Variants in PHACTR1 observed in about 807,000 individuals in gnomAD.
PHACTR1 encodes the protein phosphatase and actin regulator 1, also known as RPEL repeat containing 1.
PHACTR1 carries 16 observed loss-of-function variants against 69.2 expected under a neutral mutation model. The ratio of observed to expected loss-of-function variants is 0.23; its 90% CI spans 0.16 to 0.35. PHACTR1 has a LOEUF of 0.35. PHACTR1 is among the 10% of genes least tolerant of loss of function. PHACTR1 has a pLI of 1.00. For missense variants in PHACTR1, 510 were observed against 734.7 expected (o/e 0.69, Z 3.54); for synonymous variants, 312 against 284.5 (o/e 1.10, Z -0.97).
At chr6:12,877,802 C>T in intron 4 of PHACTR1, among the ~76,000 whole-genome samples, 1 of 152,218 alleles carries the variant, frequency 6.6e-6, no homozygotes, top group Non-Finnish European at 1.5e-5. Context: ...TTCTCAACTG[C>T]ACTGTGCGCT....
At chr6:13,115,978 A>G (rs887885325) in intron 5 of PHACTR1, among the ~76,000 whole-genome samples, 53 of 152,334 alleles carry the variant, frequency 3.5e-4, no homozygotes, top group African/African-American at 1.2e-3. Context: ...TTGGTGTGAC[A>G]GGGATCTGCC....
chr6:13,016,056 G>A (rs1369258829), intron 4 of PHACTR1, among the ~76,000 whole-genome samples: 1 of 152,204 alleles, frequency 6.6e-6, no homozygotes, highest in Admixed American at 6.5e-5. Context: ...ACTGCCCACT[G>A]TGGAAGTTCC....
Position 12,871,665 on chromosome 6 carries a change from CCT to C in PHACTR1, c.250+121876_250+121877del, listed in dbSNP as rs374221343. ...GTAGTCATCTAAGGTCTGATTGCCC[CCT>C]GTTTGGTGATGTGAAGGTTGATTAA... On this transcript the variant is annotated intron_variant, in intron 4 of 14. Transcript: ENST00000332995. Among the ~76,000 whole-genome samples, 97 of 152,240 alleles carry C rather than the reference CCT, an allele frequency of 6.4e-4. No individual in the cohort carries two copies. In the Middle Eastern group the frequency reaches 0.01, roughly 16 times the overall value.
At chr6:12,932,905 A>C (rs1350924729) in intron 4 of PHACTR1, among the ~76,000 whole-genome samples, 1 of 150,040 alleles carries the variant, frequency 6.7e-6, no homozygotes, top group African/African-American at 2.5e-5. Flanking sequence ...GTATCTAACT[A>C]TACAGCCAGC....
chr6:12,914,716 G>GA (rs1479747041), intron 4 of PHACTR1, among the ~76,000 whole-genome samples: 1 of 151,530 alleles, frequency 6.6e-6, no homozygotes, highest in Non-Finnish European at 1.5e-5. Context: ...ACGGTCAACT[G>GA]AAAAAAAGGA....
chr6:13,108,007 G>C (rs1370551087), intron 5 of PHACTR1, among the ~76,000 whole-genome samples: 2 of 151,880 alleles, frequency 1.3e-5, no homozygotes, highest in African/African-American at 4.8e-5. Context: ...ATTATAAAAG[G>C]ATTTAAGGTT....
At position 12,827,193 on chromosome 6, in the gene PHACTR1, T is replaced by C. The variant is rs753934429; in HGVS notation, c.250+77403T>C. On this transcript the variant is annotated intron_variant, in intron 4 of 14. Coordinates refer to ENST00000332995, the MANE Select transcript of PHACTR1 (RefSeq NM_030948.6). The stretch of plus-strand genomic sequence containing the variant: ...TTTTCTATCTTTTACTTAATTACTT[T>C]AGAGATAAGAACTTCCCAAATAGCT... Among the ~76,000 whole-genome samples the C allele has an allele frequency of 3.3e-4, 50 of 152,218 alleles. 2 individuals carry two copies. The highest frequency in any genetic ancestry group is 8.8e-5 in the Non-Finnish European group (6 of 68,024).
At chr6:13,178,169 A>G (rs997900982) in intron 6 of PHACTR1, among the ~76,000 whole-genome samples, 1 of 152,136 alleles carries the variant, frequency 6.6e-6, no homozygotes, top group African/African-American at 2.4e-5. Flanking sequence ...ACCTGCTTCT[A>G]CCTTGTTAGA....
intron 4 of PHACTR1, among the ~76,000 whole-genome samples, chr6:12,764,085 T>C (rs775223340): frequency 1.3e-5 from 2 of 152,132 alleles, no homozygotes; most frequent in Non-Finnish European, 2.9e-5. Flanking sequence ...TCACATGTTG[T>C]AATGAAAAGG....
chr6:12,986,063 T>C (rs1007975312), intron 4 of PHACTR1, among the ~76,000 whole-genome samples: 3 of 152,196 alleles, frequency 2.0e-5, no homozygotes, highest in Admixed American at 1.3e-4. Context: ...CTCAAACTCC[T>C]GATCTCAGGT....
At chr6:12,937,333 C>T (rs1789565831) in intron 4 of PHACTR1, among the ~76,000 whole-genome samples, 1 of 152,146 alleles carries the variant, frequency 6.6e-6, no homozygotes, top group Non-Finnish European at 1.5e-5. Context: ...TTATTCAACA[C>T]CCAACACATA....
intron 4 of PHACTR1, among the ~76,000 whole-genome samples, chr6:12,857,246 G>A (rs2094781918): frequency 6.6e-6 from 1 of 152,136 alleles, no homozygotes; most frequent in Admixed American, 6.5e-5. Context: ...TAGGTCAAAT[G>A]TTATTCTACA....
chr6:13,278,109 T>A lies in PHACTR1; in HGVS notation c.1448-159T>A, dbSNP rs1259868748. ...ACAACGCAGGTAGTTTGGAAAGCAA[T>A]CCCCATAAGGAGAAGGGCAGCTGGG... On this transcript the variant is annotated intron_variant, in intron 11 of 14. Coordinates refer to ENST00000332995, the MANE Select transcript of PHACTR1 (RefSeq NM_030948.6). 5.0e-6 allele frequency: 3 copies of A among 597,738 alleles called. No homozygotes were observed. In the African/African-American group the frequency reaches 5.6e-5, roughly 11 times the overall value. 37.0% of individuals were successfully genotyped at this position (597,738 alleles called of 1,614,324 possible).
Position 13,283,540 on chromosome 6 carries a change from C to T in PHACTR1, c.1628C>T (p.Thr543Ile), listed in dbSNP as rs759508796. Residue 543 changes from threonine to isoleucine, a missense_variant, in exon 13 of 15, where the codon ACC (threonine) becomes ATC (isoleucine). Physicochemically the swap from Thr to Ile is moderately conservative, Grantham distance 89. Coordinates refer to ENST00000332995, the MANE Select transcript of PHACTR1 (RefSeq NM_030948.6). This position sits in a 1 kb window ranked among gnomAD's most constrained non-coding sequence, Gnocchi z 4.7. ...GACCGCAGGGCAGATAAGCCGTGGA[C>T]CCGCCTCACCGCTGCAGACAAAGTA... ...DYDRRADKPW[T>I]RLTAADKAAI... 1 of 1,613,872 alleles carries T rather than the reference C, an allele frequency of 6.2e-7. No homozygotes were observed. The highest frequency in any genetic ancestry group is 1.1e-5 in the South Asian group (1 of 91,084).
At chr6:13,254,289 T>C (rs142389612) in intron 10 of PHACTR1, among the ~76,000 whole-genome samples, 251 of 152,320 alleles carry the variant, frequency 1.6e-3, no homozygotes, top group African/African-American at 5.7e-3. Flanking sequence ...CCAGAATTAA[T>C]TGAGGTAATT....
chr6:13,144,824 T>G (rs1286613606), intron 5 of PHACTR1, among the ~76,000 whole-genome samples: 2 of 143,558 alleles, frequency 1.4e-5, no homozygotes, highest in African/African-American at 5.2e-5. Context: ...CCAAGAATGG[T>G]AAGAGCAATT....
At chr6:13,076,249 C>A (rs943968123) in intron 5 of PHACTR1, among the ~76,000 whole-genome samples, 1 of 152,034 alleles carries the variant, frequency 6.6e-6, no homozygotes, top group African/African-American at 2.4e-5. Flanking sequence ...TACAGGGCTG[C>A]AAGATAAGTG....
chr6:13,037,947 C>T (rs116317292), intron 4 of PHACTR1, among the ~76,000 whole-genome samples: 1 of 152,240 alleles, frequency 6.6e-6, no homozygotes, highest in African/African-American at 2.4e-5. Flanking sequence ...AAGGACAACT[C>T]GTTGGTTTCT....
intron 5 of PHACTR1, among the ~76,000 whole-genome samples, chr6:13,102,045 T>C (rs1359983887): frequency 6.6e-6 from 1 of 152,288 alleles, no homozygotes; most frequent in East Asian, 1.9e-4. Context: ...GAGGCTTTCC[T>C]CCCTAGCCAG....
Sources: gnomAD v4.1 joint callset for allele counts (sites outside exome capture counted in the v4.1 genomes callset) on GRCh38, gnomAD v4.1.1 for gene constraint, Gnocchi (gnomAD v3.1) non-coding constraint, MANE v1.5 for transcripts, NCBI Gene and HGNC (gene_info 2026-07-23, HGNC 2026-07-21) for gene names.